LRRC14: variants seen among roughly 807,000 people sequenced by gnomAD.
LRRC14 encodes the protein leucine rich repeat containing 14, also known as leucine-rich repeat-containing protein 14.
A neutral mutation model predicts 25.3 loss-of-function variants in LRRC14; 16 were observed. That is an observed-to-expected ratio of 0.63 (90% CI 0.43 to 0.96). LRRC14 has a LOEUF of 0.96. Ranked by LOEUF, LRRC14 falls within the 40% of genes least tolerant of loss-of-function variation. The probability of loss-of-function intolerance (pLI) is 0.00; values close to 1 mark genes in which losing one functional copy is unlikely to be tolerated. For missense variants in LRRC14, 594 were observed against 660.5 expected (o/e 0.90, Z 1.10); for synonymous variants, 359 against 295.1 (o/e 1.22, Z -2.22).
rs1429760812 is a variant in LRRC14, at chr8:144,520,386, C to T, written c.478C>T (p.Pro160Ser). ...GCAGGGTGGGGCCGCAGAGCCTGGG[C>T]CAGCCCCCATCCCCGTGGAGGTGCG... ...QQQGGAAEPG[P>S]APIPVEVRVD... The change falls in exon 3 of 4, where the codon CCA becomes TCA. Residue 160 changes from proline (P) to serine (S), a missense_variant. By Grantham distance (74) the Pro-to-Ser change is moderately conservative. Transcript: ENST00000292524. The T allele has an allele frequency of 1.9e-6, 3 of 1,609,138 alleles. No homozygotes were observed. Among genetic ancestry groups the T allele is most frequent in the East Asian group, 2.2e-5 (1 of 44,850 alleles).
Position 144,522,995 on chromosome 8 carries a change from C to A in LRRC14, c.*1517C>A. 6.3e-7 allele frequency: 1 copy of A among 1,595,256 alleles called. No homozygotes were observed. Among genetic ancestry groups the A allele is most frequent in the Non-Finnish European group, 8.5e-7 (1 of 1,174,900 alleles). ...GTTGGAGGCCTCGCACTCGTACTTA[C>A]CGGCGTGCGCCAGCGTGATGTTGCT... On this transcript the variant is annotated 3_prime_UTR_variant, in exon 4 of 4. Coordinates refer to ENST00000292524, the MANE Select transcript of LRRC14 (RefSeq NM_014665.4).
In LRRC14 at chr8:144,522,960, C is replaced by T. The variant is rs192682217; in HGVS notation, c.*1482C>T. 1.3e-6 allele frequency: 2 copies of T among 1,577,696 alleles called. No individual in the cohort carries two copies. Among genetic ancestry groups the T allele is most frequent in the African/African-American group, 1.4e-5 (1 of 73,182 alleles). On this transcript the variant is annotated 3_prime_UTR_variant, in exon 4 of 4. Transcript: ENST00000292524. ...AGGAGCCGGAAGGGCACGCGGGCAG[C>T]GCCGCCGGCGTTGGAGGCCTCGCAC...
At position 144,522,144 on chromosome 8, in the gene LRRC14, G is replaced by C. The variant is rs1343589404; in HGVS notation, c.*666G>C. 6 of 320,464 alleles carry C rather than the reference G, an allele frequency of 1.9e-5. No individual in the cohort carries two copies. Among genetic ancestry groups the C allele is most frequent in the Admixed American group, 5.0e-5 (1 of 19,860 alleles). 19.9% of individuals were successfully genotyped at this position (320,464 alleles called of 1,614,324 possible). On this transcript the variant is annotated 3_prime_UTR_variant, in exon 4 of 4. Coordinates refer to ENST00000292524, the MANE Select transcript of LRRC14 (RefSeq NM_014665.4). ...AGCCTGTCGCCCCGCCCTTCGCGGGGCAGCCCCGTCGGCACTGCCGGCCAG... is the reference window on the plus strand; with the variant it reads ...AGCCTGTCGCCCCGCCCTTCGCGGGCCAGCCCCGTCGGCACTGCCGGCCAG...
rs771142950 is a variant in LRRC14, at chr8:144,522,706, C to A, written c.*1228C>A. 3 of 1,596,572 alleles carry A rather than the reference C, an allele frequency of 1.9e-6. No homozygotes were observed. Among genetic ancestry groups the A allele is most frequent in the Non-Finnish European group, 2.6e-6 (3 of 1,172,722 alleles). On this transcript the variant is annotated 3_prime_UTR_variant, in exon 4 of 4. Coordinates refer to ENST00000292524, the MANE Select transcript of LRRC14 (RefSeq NM_014665.4). ...CGAACAGCGCTCCCTCCCCCGGAGG[C>A]CCCCGCGCCTTTTTTCGCCTGCGGC...
intron 1 of LRRC14, chr8:144,518,897 G>A (rs1008369809): frequency 6.6e-6 from 1 of 152,332 alleles, no homozygotes; most frequent in Admixed American, 6.5e-5. Flanking sequence ...TGTCTGAGCA[G>A]TCTGTAGCTT....
In LRRC14 at chr8:144,522,637, C is replaced by T. The variant is rs758066323; in HGVS notation, c.*1159C>T. The T allele has an allele frequency of 1.3e-5, 21 of 1,583,992 alleles. No individual in the cohort carries two copies. In the Admixed American group the frequency reaches 2.6e-4, roughly 20 times the overall value. ...CGTGGCCGCGCTCGTCGCGGAGCTC[C>T]TCTAGCTGTGCGAACGTACAGGGGC... is the stretch of plus-strand genomic sequence containing the variant. On this transcript the variant is annotated 3_prime_UTR_variant, in exon 4 of 4. Coordinates refer to ENST00000292524, the MANE Select transcript of LRRC14 (RefSeq NM_014665.4).
Position 144,520,718 on chromosome 8 carries a change from G to A in LRRC14, c.810G>A (p.Glu270=), listed in dbSNP as rs1239539038. ...GDSRQPSVDG[E]DNFRYFLAQM... is the part of the protein sequence containing the mutation. ...CAAGGCAGCCCTCCGTGGATGGCGAGGACAACTTCCGCTACTTCCTTGCCC... is the reference window on the plus strand; with the variant it reads ...CAAGGCAGCCCTCCGTGGATGGCGAAGACAACTTCCGCTACTTCCTTGCCC... The change falls in exon 3 of 4, where the codon GAG becomes GAA. Residue 270 remains glutamate (E), a synonymous_variant. Coordinates refer to ENST00000292524, the MANE Select transcript of LRRC14 (RefSeq NM_014665.4). 3 of 1,599,284 alleles carry A rather than the reference G, an allele frequency of 1.9e-6. No individual in the cohort carries two copies. The highest frequency in any genetic ancestry group is 2.7e-5 in the African/African-American group (2 of 74,950).
At position 144,520,811 on chromosome 8, in the gene LRRC14, C is replaced by G. The variant is rs567752738; in HGVS notation, c.903C>G (p.Asp301Glu). 6.3e-7 allele frequency: 1 copy of G among 1,597,098 alleles called. No individual in the cohort carries two copies. Among genetic ancestry groups the G allele is most frequent in the East Asian group, 2.2e-5 (1 of 44,852 alleles). Residue 301 changes from aspartate to glutamate, a missense_variant, in exon 3 of 4, where the codon GAC becomes GAG. Asp to Glu is a conservative substitution (Grantham distance 45). Coordinates refer to ENST00000292524, the MANE Select transcript of LRRC14 (RefSeq NM_014665.4). ...CCTCTCTCCTTTCAGGGAGGCTGGA[C>G]CAGCTGCTCAGGTGAGCGGGCCCCA... ...MGSSLLSGRL[D>E]QLLSTLQSPL...
rs926625313 is a variant in LRRC14, at chr8:144,524,504, G to A, written c.*3026G>A. 1.5e-5 allele frequency: 24 copies of A among 1,596,524 alleles called. No individual in the cohort carries two copies. Among genetic ancestry groups the A allele is most frequent in the Middle Eastern group, 1.7e-4 (1 of 5,898 alleles). On this transcript the variant is annotated 3_prime_UTR_variant, in exon 4 of 4. Transcript: ENST00000292524. ...GCTGGTTGCCCGCCAGGTAGAGCACGCGCAGCTGGGCCAGGCCTACGAAGG... is the reference window on the plus strand; with the variant it reads ...GCTGGTTGCCCGCCAGGTAGAGCACACGCAGCTGGGCCAGGCCTACGAAGG...
rs962823226 is a variant in LRRC14 at position 144,518,057 on chromosome 8, C to CG, written c.-112+23dup. Reference sequence around the variant, plus strand: ...TGCGGGACCGGTGAGCGCGGGCGGCCGGGGGGGTGTCTGAGCGGGGCGGCG... The same window carrying CG: ...TGCGGGACCGGTGAGCGCGGGCGGCCGGGGGGGGTGTCTGAGCGGGGCGGCG... On this transcript the variant is annotated intron_variant, in intron 1 of 3. Coordinates refer to ENST00000292524, the MANE Select transcript of LRRC14 (RefSeq NM_014665.4). 7.0e-5 allele frequency: 14 copies of CG among 198,750 alleles called. No homozygotes were observed. Among genetic ancestry groups the CG allele is most frequent in the Non-Finnish European group, 6.0e-5 (6 of 99,484 alleles). The allele number at this position is 198,750 out of a possible 1,614,324, so 12.3% of individuals were successfully genotyped here.
At position 144,523,242 on chromosome 8, in the gene LRRC14, G is replaced by A; in HGVS notation, c.*1764G>A. The A allele has an allele frequency of 6.2e-7, 1 of 1,610,348 alleles. No homozygotes were observed. Among genetic ancestry groups the A allele is most frequent in the South Asian group, 1.1e-5 (1 of 90,714 alleles). On this transcript the variant is annotated 3_prime_UTR_variant, in exon 4 of 4. Coordinates refer to ENST00000292524, the MANE Select transcript of LRRC14 (RefSeq NM_014665.4). The stretch of plus-strand genomic sequence containing the variant: ...AGCGGCTGCACGTGGACAGAGGGCG[G>A]AATGCAGATGAGGCTGCTGTGGGAT...
In LRRC14 at chr8:144,524,199, G is replaced by C. The variant is rs757229984; in HGVS notation, c.*2721G>C. On this transcript the variant is annotated 3_prime_UTR_variant, in exon 4 of 4. Transcript: ENST00000292524. ...CTGGTTCCTGCTGAGGTCCAGCAGTGCTAGGGAGGACAGCCCCGCTAGAGC... is the reference window on the plus strand; with the variant it reads ...CTGGTTCCTGCTGAGGTCCAGCAGTCCTAGGGAGGACAGCCCCGCTAGAGC... The C allele has an allele frequency of 6.2e-7, 1 of 1,612,610 alleles. No homozygotes were observed. The highest frequency in any genetic ancestry group is 1.7e-5 in the Admixed American group (1 of 60,026).
Position 144,523,354 on chromosome 8 carries a change from C to T in LRRC14, c.*1876C>T, listed in dbSNP as rs776238623. On this transcript the variant is annotated 3_prime_UTR_variant, in exon 4 of 4. Coordinates refer to ENST00000292524, the MANE Select transcript of LRRC14 (RefSeq NM_014665.4). Reference sequence around the variant, plus strand: ...TGGAGGTGAGCAGCCGCTGGCCGCCCTCCTTGATCCAGGCACCCAGCCAGT... The same window carrying T: ...TGGAGGTGAGCAGCCGCTGGCCGCCTTCCTTGATCCAGGCACCCAGCCAGT... The T allele has an allele frequency of 6.3e-7, 1 of 1,581,482 alleles. No individual in the cohort carries two copies. The highest frequency in any genetic ancestry group is 1.1e-5 in the South Asian group (1 of 87,658).
chr8:144,520,098 T>C (rs1815896924), intron 2 of LRRC14, 44 bp downstream of exon 2: 1 of 1,580,866 alleles, frequency 6.3e-7, no homozygotes, highest in African/African-American at 1.3e-5. Flanking sequence ...GGTGTGTAAG[T>C]GGGTCCCCTG....
intron 1 of LRRC14, chr8:144,518,791 G>T (rs1376048385): frequency 1.3e-5 from 2 of 152,310 alleles, no homozygotes; most frequent in African/African-American, 4.8e-5. Flanking sequence ...ACAGGCAGCA[G>T]CAGGGCTGGC....
In LRRC14 at chr8:144,525,117, T is replaced by G. The variant is rs1011091466; in HGVS notation, c.*3639T>G. The G allele has an allele frequency of 2.8e-5, 26 of 925,786 alleles. No individual in the cohort carries two copies. Among genetic ancestry groups the G allele is most frequent in the Middle Eastern group, 3.6e-4 (1 of 2,760 alleles). The allele number at this position is 925,786 out of a possible 1,614,324, so 57.3% of individuals were successfully genotyped here. A position where few individuals can be genotyped will look rare whatever the true frequency, so the allele number is the denominator to read the frequency against. On this transcript the variant is annotated 3_prime_UTR_variant, in exon 4 of 4. Transcript: ENST00000292524. Reference sequence around the variant, plus strand: ...GGAGGCCTGCACCTGCGTCTAACTTTTGACGCTATAAATAGGTTCAAGAAA... The same window carrying G: ...GGAGGCCTGCACCTGCGTCTAACTTGTGACGCTATAAATAGGTTCAAGAAA...
chr8:144,522,847 C>T lies in LRRC14; in HGVS notation c.*1369C>T, dbSNP rs772985687. 5 of 1,344,634 alleles carry T rather than the reference C, an allele frequency of 3.7e-6. No homozygotes were observed. The highest frequency in any genetic ancestry group is 4.8e-6 in the Non-Finnish European group (5 of 1,052,396). 83.3% of individuals were successfully genotyped at this position (1,344,634 alleles called of 1,614,324 possible). ...GGGCGCGGAAGGCCATGCTGCCCGC[C>T]TCGGGCCGGGGCTCGCTGCCGGCGG... On this transcript the variant is annotated 3_prime_UTR_variant, in exon 4 of 4. Transcript: ENST00000292524.
chr8:144,522,450 C>T lies in LRRC14; in HGVS notation c.*972C>T, dbSNP rs1375946180. On this transcript the variant is annotated 3_prime_UTR_variant, in exon 4 of 4. Transcript: ENST00000292524. ...GGCCGCACCGGCCAATCTCCGGCGC[C>T]CACGTCATCCGCGCGCCCGCGGCCC... 1.4e-5 allele frequency: 20 copies of T among 1,395,898 alleles called. No homozygotes were observed. The highest frequency in any genetic ancestry group is 3.6e-5 in the Admixed American group (1 of 28,142). The allele number at this position is 1,395,898 out of a possible 1,614,324, so 86.5% of individuals were successfully genotyped here. A position where few individuals can be genotyped will look rare whatever the true frequency, so the allele number is the denominator to read the frequency against.
Position 144,521,608 on chromosome 8 carries a change from T to TGAG in LRRC14, c.*130_*131insGAG. The stretch of plus-strand genomic sequence containing the variant: ...GGTTTCCTGCTGGGTCTACCTTGCT[T>TGAG]CTGGGCACACCTCAAGCCTCCCCTG... On this transcript the variant is annotated 3_prime_UTR_variant, in exon 4 of 4. Transcript: ENST00000292524. The TGAG allele has an allele frequency of 2.1e-6, 2 of 944,824 alleles. No homozygotes were observed. Among genetic ancestry groups the TGAG allele is most frequent in the Non-Finnish European group, 3.1e-6 (2 of 649,978 alleles). 58.5% of individuals were successfully genotyped at this position (944,824 alleles called of 1,614,324 possible). A position where few individuals can be genotyped will look rare whatever the true frequency, so the allele number is the denominator to read the frequency against.
Sources: allele counts gnomAD v4.1 joint callset, GRCh38; gene constraint gnomAD v4.1.1; transcripts MANE v1.5; gene names NCBI Gene and HGNC (gene_info 2026-07-23, HGNC 2026-07-21).